Variants in ZFHX3 observed in about 807,000 individuals in gnomAD.
The protein encoded by ZFHX3 is zinc finger homeobox 3.
Under a neutral mutation model 279.1 loss-of-function variants are expected in ZFHX3, and 42 were observed. The ratio of observed to expected loss-of-function variants is 0.15; its 90% confidence interval spans 0.12 to 0.19. The LOEUF is 0.19. ZFHX3 is among the 10% of genes least tolerant of loss of function. The pLI, the probability that ZFHX3 is intolerant of heterozygous loss-of-function variation, is 1.00. For synonymous variants in ZFHX3, 2,293 were observed against 1,957.8 expected (o/e 1.17, Z -4.52); for missense variants, 4,981 against 4,754.0 (o/e 1.05, Z -1.40).
chr16:73,346,298 C>T (rs2016122376), intron 3 of ZFHX3, among the ~76,000 whole-genome samples: 1 of 152,184 alleles, frequency 6.6e-6, no homozygotes, highest in South Asian at 2.1e-4. Context: ...AAGCCTCACG[C>T]ACCTGGAACA....
At chr16:72,806,515 G>A (rs896470054) in intron 7 of ZFHX3, among the ~76,000 whole-genome samples, 1 of 152,066 alleles carries the variant, frequency 6.6e-6, no homozygotes, top group African/African-American at 2.4e-5. Flanking sequence ...CATCTCACAG[G>A]GCTTGGAATT....
intron 2 of ZFHX3, chr16:73,499,378 C>T (rs1417105187): frequency 1.3e-5 from 2 of 152,246 alleles, no homozygotes; most frequent in Non-Finnish European, 2.9e-5. Context: ...GGGTAACAAG[C>T]TGCCGCTCTG....
chr16:72,945,753 C>T (rs1960635657), intron 3 of ZFHX3, among the ~76,000 whole-genome samples: 1 of 152,008 alleles, frequency 6.6e-6, no homozygotes, highest in Non-Finnish European at 1.5e-5. Flanking sequence ...GACACTTTCA[C>T]CGGAGCTTCA....
rs1183764335 is a variant in ZFHX3, at chr16:73,309,893, C to A, written c.-1194+8347G>T. ...GGAGGCATAAACATGCTTTGGGACT[C>A]GTTTTTTCTTGCCTTTTTTTTTTTT... is the stretch of plus-strand genomic sequence containing the variant. On this transcript the variant is annotated intron_variant, in intron 4 of 17. Coordinates refer to the ZFHX3 transcript ENST00000641206. Among the ~76,000 whole-genome samples the A allele has an allele frequency of 3.2e-5, 4 of 123,782 alleles. No individual in the cohort carries two copies. In the South Asian group the frequency reaches 1.1e-3, roughly 33 times the overall value. The allele number at this position is 123,782 out of a possible 152,430, so 81.2% of individuals were successfully genotyped here.
intron 1 of ZFHX3, among the ~76,000 whole-genome samples, chr16:73,819,741 A>G (rs1960680456): frequency 6.6e-6 from 1 of 152,186 alleles, no homozygotes; most frequent in Non-Finnish European, 1.5e-5. Context: ...GTCATGCTCC[A>G]CAGGGATGAG....
At chr16:73,812,840 C>T (rs1259190705) in intron 1 of ZFHX3, among the ~76,000 whole-genome samples, 1 of 152,232 alleles carries the variant, frequency 6.6e-6, no homozygotes, top group African/African-American at 2.4e-5. Flanking sequence ...AAGGCAGCAA[C>T]TCTTTGGGCA....
chr16:73,753,360 T>C (rs1264499964), intron 1 of ZFHX3, among the ~76,000 whole-genome samples: 4 of 152,120 alleles, frequency 2.6e-5, no homozygotes, highest in Non-Finnish European at 1.5e-5. Flanking sequence ...ACACTCCCAC[T>C]AGTGCAGTGA....
In ZFHX3 at chr16:72,786,241, G is replaced by GT. The variant is rs765216919; in HGVS notation, c.*922dup. The GT allele has an allele frequency of 0.039, 5,363 of 135,914 alleles. 269 individuals carry two copies. Among genetic ancestry groups the GT allele is most frequent in the African/African-American group, 0.12 (4,454 of 37,498 alleles). 8.4% of individuals were successfully genotyped at this position (135,914 alleles called of 1,614,324 possible). A position where few individuals can be genotyped will look rare whatever the true frequency, so the allele number is the denominator to read the frequency against. ...ACAAAAAGCTAAATGTACACAAAAG[G>GT]TTTTTTTTTTTTTTTCCTTTTAAAT... On this transcript the variant is annotated 3_prime_UTR_variant, in exon 10 of 10. Coordinates refer to ENST00000268489, the MANE Select transcript of ZFHX3 (RefSeq NM_006885.4).
intron 2 of ZFHX3, among the ~76,000 whole-genome samples, chr16:73,637,095 A>AAT (rs939135583): frequency 1.3e-4 from 20 of 152,210 alleles, no homozygotes; most frequent in Admixed American, 2.6e-4. Context: ...AATATACTTG[A>AAT]ATATATATAA....
rs1275102879 is a variant in ZFHX3 at position 73,793,149 on chromosome 16, T to C, written c.-1608+98502A>G. Among the ~76,000 whole-genome samples, 4 of 152,314 alleles carry C rather than the reference T, an allele frequency of 2.6e-5. No individual in the cohort carries two copies. The East Asian group carries it at 7.7e-4, about 29-fold the overall frequency. The stretch of plus-strand genomic sequence containing the variant: ...CAGCCCTCCTGTGCCTTCCTATTTC[T>C]TCCTTCTGTCCCTCTGTACAATGGA... On this transcript the variant is annotated intron_variant, in intron 1 of 17. Transcript: ENST00000641206.
Position 72,995,976 on chromosome 16 carries a change from G to C in ZFHX3, c.-49-35782C>G, listed in dbSNP as rs571767277. 4.6e-5 allele frequency among the ~76,000 whole-genome samples: 7 copies of C among 152,202 alleles called. No individual in the cohort carries two copies. In the South Asian group the frequency reaches 1.0e-3, roughly 23 times the overall value. ...GGTAATTATGAAGGCATATTCATACGTTCTTTTACTGCCAGGTGCGGTGGC... is the reference window on the plus strand; with the variant it reads ...GGTAATTATGAAGGCATATTCATACCTTCTTTTACTGCCAGGTGCGGTGGC... On this transcript the variant is annotated intron_variant, in intron 1 of 9. Transcript: ENST00000268489.
chr16:73,588,887 G>A (rs2051957722), intron 2 of ZFHX3, among the ~76,000 whole-genome samples: 1 of 152,018 alleles, frequency 6.6e-6, no homozygotes, highest in Admixed American at 6.6e-5. Flanking sequence ...GGTCTAGACA[G>A]AGACAGAGAG....
At chr16:73,085,726 C>T (rs1241107270) in intron 8 of ZFHX3, among the ~76,000 whole-genome samples, 1 of 151,986 alleles carries the variant, frequency 6.6e-6, no homozygotes, top group African/African-American at 2.4e-5. Flanking sequence ...CTATGAAACT[C>T]CTAGAAGAAA....
chr16:73,743,885 T>C (rs958005844), intron 1 of ZFHX3, among the ~76,000 whole-genome samples: 3 of 152,120 alleles, frequency 2.0e-5, no homozygotes, highest in African/African-American at 7.2e-5. Flanking sequence ...GACCAAAATC[T>C]ATGTGAATGT....
At chr16:72,945,018 A>G (rs1960596705) in intron 3 of ZFHX3, among the ~76,000 whole-genome samples, 1 of 152,120 alleles carries the variant, frequency 6.6e-6, no homozygotes, top group Non-Finnish European at 1.5e-5. Flanking sequence ...TAAAGAGTGG[A>G]GTGAAAAGAT....
At chr16:73,316,094 AAAG>A (rs1476717375) in intron 4 of ZFHX3, among the ~76,000 whole-genome samples, 1 of 152,206 alleles carries the variant, frequency 6.6e-6, no homozygotes, top group Non-Finnish European at 1.5e-5. Flanking sequence ...GTTTTATCAC[AAAG>A]AAGGTGATAC....
intron 1 of ZFHX3, among the ~76,000 whole-genome samples, chr16:73,738,352 A>T (rs1237932113): frequency 6.6e-6 from 1 of 152,228 alleles, no homozygotes; most frequent in Non-Finnish European, 1.5e-5. Context: ...ATCTAAGCAA[A>T]GCAAGCAGCA....
intron 1 of ZFHX3, among the ~76,000 whole-genome samples, chr16:73,726,154 T>C (rs1200728096): frequency 6.6e-6 from 1 of 151,994 alleles, no homozygotes; most frequent in Non-Finnish European, 1.5e-5. Flanking sequence ...TCCTTTGGGG[T>C]CAAAACTCTA....
intron 2 of ZFHX3, among the ~76,000 whole-genome samples, chr16:73,588,591 G>A (rs773091956): frequency 1.3e-5 from 2 of 151,886 alleles, no homozygotes; most frequent in African/African-American, 2.4e-5. Context: ...TCTGGAGGCT[G>A]AGGCAGGAGA....
Sources: allele counts gnomAD v4.1 joint callset (sites outside exome capture counted in the v4.1 genomes callset), GRCh38; gene constraint gnomAD v4.1.1; transcripts MANE v1.5; gene names NCBI Gene and HGNC (gene_info 2026-07-23, HGNC 2026-07-21).